PLCXD3: variants seen among roughly 807,000 people sequenced by gnomAD.
PLCXD3 encodes phosphatidylinositol specific phospholipase C X domain containing 3.
Under a neutral mutation model 25.5 loss-of-function variants are expected in PLCXD3, and 19 were observed. The ratio of observed to expected loss-of-function variants is 0.75; its 90% CI spans 0.52 to 1.09. PLCXD3 has a LOEUF of 1.09. PLCXD3 is among the 50% of genes least tolerant of loss of function. The pLI is 0.00. For missense variants in PLCXD3, 411 were observed against 388.1 expected, an observed-to-expected ratio of 1.06 and a Z score of -0.50; for synonymous variants, 174 against 137.6, an observed-to-expected ratio of 1.26 and a Z score of -1.85.
chr5:41,381,115 T>C (rs1745445956), intron 2 of PLCXD3, among the ~76,000 whole-genome samples: 1 of 152,170 alleles, frequency 6.6e-6, no homozygotes, highest in Non-Finnish European at 1.5e-5. Context: ...ACCTCATTTT[T>C]TAAATCTGTA....
intron 1 of PLCXD3, among the ~76,000 whole-genome samples, chr5:41,493,714 C>T (rs1416067977): frequency 1.3e-5 from 2 of 152,220 alleles, no homozygotes; most frequent in African/African-American, 4.8e-5. Context: ...CAGCGAGACT[C>T]CGTGGGCATT....
intron 1 of PLCXD3, among the ~76,000 whole-genome samples, chr5:41,494,409 A>T (rs1748790097): frequency 6.6e-6 from 1 of 152,236 alleles, no homozygotes; most frequent in Non-Finnish European, 1.5e-5. Context: ...CAGCAGAGAA[A>T]AGTGGAAGGA....
chr5:41,401,295 A>G (rs1411033486), intron 1 of PLCXD3, among the ~76,000 whole-genome samples: 1 of 152,026 alleles, frequency 6.6e-6, no homozygotes, highest in Non-Finnish European at 1.5e-5. Flanking sequence ...CCAAAGTTGC[A>G]AAAGTTTAAA....
chr5:41,401,198 A>G (rs1394867040), intron 1 of PLCXD3, among the ~76,000 whole-genome samples: 1 of 152,024 alleles, frequency 6.6e-6, no homozygotes, highest in Non-Finnish European at 1.5e-5. Context: ...TTTAAACAGC[A>G]AAAGTTTTAT....
At chr5:41,500,206 G>C (rs562729847) in intron 1 of PLCXD3, among the ~76,000 whole-genome samples, 1 of 151,972 alleles carries the variant, frequency 6.6e-6, no homozygotes, top group Non-Finnish European at 1.5e-5. Flanking sequence ...AGAAAATGTG[G>C]CATGTATACA....
chr5:41,496,964 G>A (rs1048959273), intron 1 of PLCXD3, among the ~76,000 whole-genome samples: 6 of 151,494 alleles, frequency 4.0e-5, no homozygotes, highest in African/African-American at 1.5e-4. Context: ...GAGAAGTAGG[G>A]GTTTTTGTAT....
intron 2 of PLCXD3, among the ~76,000 whole-genome samples, chr5:41,319,059 G>A (rs893537207): frequency 1.3e-5 from 2 of 152,156 alleles, no homozygotes; most frequent in Non-Finnish European, 2.9e-5. Flanking sequence ...TTCAGCAAGA[G>A]GATATAGCAA....
intron 1 of PLCXD3, among the ~76,000 whole-genome samples, chr5:41,490,263 C>T (rs962661483): frequency 6.6e-6 from 1 of 152,192 alleles, no homozygotes; most frequent in Admixed American, 6.5e-5. Context: ...ATTGAACCAG[C>T]CTTGCATCCC....
intron 2 of PLCXD3, among the ~76,000 whole-genome samples, chr5:41,353,594 C>G (rs993511982): frequency 6.6e-6 from 1 of 152,098 alleles, no homozygotes; most frequent in African/African-American, 2.4e-5. Flanking sequence ...GTTCTAGGCT[C>G]TGGAGACACA....
chr5:41,382,561 G>A (rs760584632), intron 1 of PLCXD3, 27 bp from the exon 2 acceptor site: 6 of 1,526,544 alleles, frequency 3.9e-6, no homozygotes, highest in East Asian at 2.3e-5. Context: ...GCATAGTGTG[G>A]TTAATTTCCA....
chr5:41,347,865 A>G (rs1744345117), intron 2 of PLCXD3, among the ~76,000 whole-genome samples: 1 of 151,880 alleles, frequency 6.6e-6, no homozygotes, highest in Non-Finnish European at 1.5e-5. Flanking sequence ...AATAAAAAAT[A>G]AAATTTAGCT....
At chr5:41,435,230 C>T (rs1360366307) in intron 1 of PLCXD3, among the ~76,000 whole-genome samples, 5 of 152,184 alleles carry the variant, frequency 3.3e-5, no homozygotes, top group Non-Finnish European at 5.9e-5. Flanking sequence ...ACAACTCTGT[C>T]ATCATTTTTA....
rs1580288510 is a variant in PLCXD3 at position 41,309,041 on chromosome 5, T to A, written c.*4576A>T. On this transcript the variant is annotated 3_prime_UTR_variant, in exon 3 of 3. Coordinates refer to ENST00000377801, the MANE Select transcript of PLCXD3 (RefSeq NM_001005473.3). ...AAATTGCAAAAACAACAAAAAAGTGTTAATAAATTAAGGCTGGTCACAATG... is the reference window on the plus strand; with the variant it reads ...AAATTGCAAAAACAACAAAAAAGTGATAATAAATTAAGGCTGGTCACAATG... 1 of 152,598 alleles carries A rather than the reference T, an allele frequency of 6.6e-6. No homozygotes were observed. The highest frequency in any genetic ancestry group is 6.6e-5 in the Admixed American group (1 of 15,264). The allele number at this position is 152,598 out of a possible 1,614,324, so 9.5% of individuals were successfully genotyped here. A position where few individuals can be genotyped will look rare whatever the true frequency, so the allele number is the denominator to read the frequency against.
chr5:41,414,596 G>C (rs1432582343), intron 1 of PLCXD3, among the ~76,000 whole-genome samples: 1 of 152,160 alleles, frequency 6.6e-6, no homozygotes, highest in Non-Finnish European at 1.5e-5. Flanking sequence ...AGCATAAGTA[G>C]CCTGTTACAA....
chr5:41,436,594 A>G (rs1747260069), intron 1 of PLCXD3, among the ~76,000 whole-genome samples: 1 of 152,130 alleles, frequency 6.6e-6, no homozygotes, highest in African/African-American at 2.4e-5. Context: ...AATTCCAACT[A>G]TTGCAGCCCT....
intron 1 of PLCXD3, among the ~76,000 whole-genome samples, chr5:41,402,759 G>A (rs1746223543): frequency 6.6e-6 from 1 of 151,700 alleles, no homozygotes; most frequent in Non-Finnish European, 1.5e-5. Context: ...TACTATAATT[G>A]TTGTGTCTTT....
chr5:41,501,007 T>A (rs1363804292), intron 1 of PLCXD3, among the ~76,000 whole-genome samples: 1 of 151,974 alleles, frequency 6.6e-6, no homozygotes, highest in Non-Finnish European at 1.5e-5. Flanking sequence ...CACGGTAAGA[T>A]ATCACCTAAT....
At chr5:41,464,474 C>T (rs1175493777) in intron 1 of PLCXD3, among the ~76,000 whole-genome samples, 2 of 151,978 alleles carry the variant, frequency 1.3e-5, no homozygotes, top group Non-Finnish European at 2.9e-5. Context: ...GGAGAAATAC[C>T]TAATGTAGAT....
intron 1 of PLCXD3, among the ~76,000 whole-genome samples, chr5:41,473,314 A>G (rs1387548885): frequency 6.6e-6 from 1 of 152,198 alleles, no homozygotes; most frequent in African/African-American, 2.4e-5. Context: ...AAAACAAAGT[A>G]ATGACTTTCT....
Sources: allele counts gnomAD v4.1 joint callset (sites outside exome capture counted in the v4.1 genomes callset), GRCh38; gene constraint gnomAD v4.1.1; transcripts MANE v1.5; gene names NCBI Gene and HGNC (gene_info 2026-07-23, HGNC 2026-07-21).